The following DAPK3 variants were observed in gnomAD, a reference collection of about 807,000 sequenced individuals.
DAPK3 encodes the protein death-associated protein kinase 3.
Under a neutral mutation model 30.6 loss-of-function variants are expected in DAPK3, and 24 were observed. The observed-to-expected ratio is 0.78, with a 90% CI of 0.57 to 1.10. The LOEUF is 1.10. Ranked by LOEUF, DAPK3 falls within the 50% of genes least tolerant of loss-of-function variation. The pLI, the probability that DAPK3 is intolerant of heterozygous loss-of-function variation, is 0.00. For synonymous variants in DAPK3, 341 were observed against 284.0 expected, an observed-to-expected ratio of 1.20 and a Z score of -2.02; for missense variants, 629 against 657.3, an observed-to-expected ratio of 0.96 and a Z score of 0.47.
chr19:3,969,811 GA>G lies in DAPK3; in HGVS notation c.-77del. The G allele has an allele frequency of 9.6e-7, 1 of 1,040,798 alleles. No homozygotes were observed. Among genetic ancestry groups the G allele is most frequent in the Non-Finnish European group, 1.5e-6 (1 of 668,592 alleles). 64.5% of individuals were successfully genotyped at this position (1,040,798 alleles called of 1,614,324 possible). On this transcript the variant is annotated 5_prime_UTR_variant, in exon 2 of 9. Coordinates refer to ENST00000545797, the MANE Select transcript of DAPK3 (RefSeq NM_001348.3). ...CCGCAGCCTGGAGATAGGACCTCAG[GA>G]GTCCCCTAATGGCAACCCTGGAGAA...
rs1381049083 is a variant in DAPK3, at chr19:3,958,656, G to A, written c.*445C>T. 3 of 383,736 alleles carry A rather than the reference G, an allele frequency of 7.8e-6. No homozygotes were observed. The highest frequency in any genetic ancestry group is 1.0e-5 in the Non-Finnish European group (2 of 192,650). 23.8% of individuals were successfully genotyped at this position (383,736 alleles called of 1,614,324 possible). A position where few individuals can be genotyped will look rare whatever the true frequency, so the allele number is the denominator to read the frequency against. On this transcript the variant is annotated 3_prime_UTR_variant, in exon 9 of 9. Transcript: ENST00000545797. ...GCAGCGTGGGGACTGCCTGTCCGCC[G>A]TCCATCCCACCCTCCCCGTCCCACG...
chr19:3,966,884 C>T (rs1432610797), intron 2 of DAPK3, among the ~76,000 whole-genome samples: 1 of 152,222 alleles, frequency 6.6e-6, no homozygotes, highest in Non-Finnish European at 1.5e-5. Context: ...GAGGCAAGGC[C>T]ACTGGCAGGC....
intron 6 of DAPK3, 79 bp from the exon 7 acceptor site, chr19:3,961,240 G>T: frequency 8.2e-7 from 1 of 1,219,708 alleles, no homozygotes; most frequent in Non-Finnish European, 1.2e-6. Flanking sequence ...GCCCACGACA[G>T]GCGGAGCACA....
At chr19:3,959,853 A>G (rs1307939356) in intron 8 of DAPK3, 1 of 647,680 alleles carries the variant, frequency 1.5e-6, no homozygotes, top group African/African-American at 1.8e-5. Flanking sequence ...GACACACACC[A>G]GCCAAGGATG....
At position 3,959,335 on chromosome 19, in the gene DAPK3, G is replaced by C. The variant is rs771329507; in HGVS notation, c.1131C>G (p.Asp377Glu). The change falls in exon 9 of 9, where the codon GAC becomes GAG. Residue 377 changes from aspartate to glutamate, a missense_variant. Physicochemically the swap from Asp to Glu is conservative, Grantham distance 45. Coordinates refer to ENST00000545797, the MANE Select transcript of DAPK3 (RefSeq NM_001348.3). ...GCAGCTCCTGCCGTAGCCTCCGCAGGTCCTGGCCCAGGCTGTCGCTCTCCT... is the reference window on the plus strand; with the variant it reads ...GCAGCTCCTGCCGTAGCCTCCGCAGCTCCTGGCCCAGGCTGTCGCTCTCCT... ...YREESDSLGQ[D>E]LRRLRQELLK... The C allele has an allele frequency of 1.9e-6, 3 of 1,591,366 alleles. No homozygotes were observed. The South Asian group carries it at 3.3e-5, about 18-fold the overall frequency.
rs137989425 is a variant in DAPK3, at chr19:3,961,265, G to A, written c.630-104C>T. The stretch of plus-strand genomic sequence containing the variant: ...GGCGGAGCACAGAAGACAGGCTGAC[G>A]GCAGGTGCCTGGGCCACTCACACTC... On this transcript the variant is annotated intron_variant, in intron 6 of 8. Coordinates refer to ENST00000545797, the MANE Select transcript of DAPK3 (RefSeq NM_001348.3). 5.0e-3 allele frequency: 4,684 copies of A among 943,170 alleles called. 17 individuals are homozygous for A. The highest frequency in any genetic ancestry group is 9.5e-3 in the Middle Eastern group (45 of 4,718). The allele number at this position is 943,170 out of a possible 1,614,324, so 58.4% of individuals were successfully genotyped here. A position where few individuals can be genotyped will look rare whatever the true frequency, so the allele number is the denominator to read the frequency against.
intron 3 of DAPK3, 39 bp from the exon 4 acceptor site, chr19:3,964,412 T>TGGCCC: frequency 6.5e-7 from 1 of 1,539,986 alleles, no homozygotes; most frequent in Non-Finnish European, 8.9e-7. Flanking sequence ...AGCACGGGCC[T>TGGCCC]CCCCCACCCT....
In DAPK3 at chr19:3,963,734, C is replaced by T. The variant is rs145241773; in HGVS notation, c.603-65G>A. 12,066 of 1,372,350 alleles carry T rather than the reference C, an allele frequency of 8.8e-3. 68 individuals are homozygous for T. The highest frequency in any genetic ancestry group is 0.011 in the Non-Finnish European group (10,547 of 999,648). 85.0% of individuals were successfully genotyped at this position (1,372,350 alleles called of 1,614,324 possible). ...GCCGCCCACCCTCCCAGGACCGTGGCGTCCAGCGCCCCTGTTCTAGGGCAA... is the reference window on the plus strand; with the variant it reads ...GCCGCCCACCCTCCCAGGACCGTGGTGTCCAGCGCCCCTGTTCTAGGGCAA... On this transcript the variant is annotated intron_variant, in intron 5 of 8. Coordinates refer to ENST00000545797, the MANE Select transcript of DAPK3 (RefSeq NM_001348.3).
At chr19:3,965,880 G>A (rs1220315413) in intron 2 of DAPK3, among the ~76,000 whole-genome samples, 1 of 151,802 alleles carries the variant, frequency 6.6e-6, no homozygotes, top group Non-Finnish European at 1.5e-5. Flanking sequence ...TGCCCACGCT[G>A]GTCTCGAACT....
At chr19:3,960,135 C>A in intron 7 of DAPK3, 31 bp from the exon 8 acceptor site, 1 of 1,287,488 alleles carries the variant, frequency 7.8e-7, no homozygotes, top group Non-Finnish European at 1.1e-6. Flanking sequence ...TTAGGTACAC[C>A]TGCACCATCT....
At chr19:3,961,237 A>G in intron 6 of DAPK3, 76 bp from the exon 7 acceptor site, 2 of 1,235,102 alleles carry the variant, frequency 1.6e-6, no homozygotes, top group Non-Finnish European at 2.3e-6. Context: ...GCTGCCCACG[A>G]CAGGCGGAGC....
At chr19:3,962,444 T>A (rs58651620) in intron 6 of DAPK3, among the ~76,000 whole-genome samples, 4,383 of 152,288 alleles carry the variant, frequency 0.029, 176 homozygotes, top group African/African-American at 0.09. Context: ...TCAATATGGC[T>A]GGGCAACACA....
At chr19:3,970,708 C>G (rs934878161) in intron 1 of DAPK3, 2 of 152,790 alleles carry the variant, frequency 1.3e-5, no homozygotes, top group Admixed American at 6.6e-5. Context: ...CCATCTGAGT[C>G]TCCTCCACCG....
In DAPK3 at chr19:3,964,818, A is replaced by G. The variant is rs1158244034; in HGVS notation, c.236T>C (p.Leu79Pro). Residue 79 changes from leucine (L) to proline (P), a missense_variant, in exon 3 of 9, where the codon CTG (leucine) becomes CCG (proline). Around this residue, in one of 2 missense-constraint regions of DAPK3, gnomAD observed 306 missense variants for 378.5 expected, o/e 0.81. Coordinates refer to ENST00000545797, the MANE Select transcript of DAPK3 (RefSeq NM_001348.3). ...CGTCTTGTTCTCGAAGATGTCGTGC[A>G]GGGTGATGATGTTGGGGTGCCGGAT... Reference protein sequence around the residue: ...REIRHPNIITLHDIFENKTDV... With the variant: ...REIRHPNIITPHDIFENKTDV... The G allele has an allele frequency of 6.2e-7, 1 of 1,612,958 alleles. No homozygotes were observed. Among genetic ancestry groups the G allele is most frequent in the Non-Finnish European group, 8.5e-7 (1 of 1,179,124 alleles).
rs558578628 is a variant in DAPK3, at chr19:3,958,619, C to G, written c.*482G>C. 2.4e-6 allele frequency: 1 copy of G among 413,844 alleles called. No homozygotes were observed. The highest frequency in any genetic ancestry group is 6.8e-4 in the Middle Eastern group (1 of 1,464). The allele number at this position is 413,844 out of a possible 1,614,324, so 25.6% of individuals were successfully genotyped here. ...ACACAGTGGAAGACCCCACCAAGCC[C>G]GGCGCCACCCAGCAGCGTGGGGACT... On this transcript the variant is annotated 3_prime_UTR_variant, in exon 9 of 9. Coordinates refer to ENST00000545797, the MANE Select transcript of DAPK3 (RefSeq NM_001348.3).
chr19:3,961,850 G>T (rs2039519796), intron 6 of DAPK3: 2 of 216,120 alleles, frequency 9.3e-6, no homozygotes, highest in South Asian at 1.4e-4. Flanking sequence ...AACCACCTCT[G>T]GCACTTTAAA....
chr19:3,960,735 C>T (rs566108079), intron 7 of DAPK3, among the ~76,000 whole-genome samples: 12 of 149,234 alleles, frequency 8.0e-5, no homozygotes, highest in Admixed American at 1.4e-4. Context: ...GCCGAGATCA[C>T]GCCACTGCAC....
intron 7 of DAPK3, 145 bp downstream of exon 7, chr19:3,960,864 T>C (rs2039502962): frequency 1.3e-6 from 1 of 767,320 alleles, no homozygotes; most frequent in African/African-American, 1.8e-5. Context: ...TTTATCAGTT[T>C]ACTCTCTCCA....
intron 6 of DAPK3, 74 bp from the exon 7 acceptor site, chr19:3,961,235 C>A (rs897308293): frequency 4.0e-6 from 5 of 1,259,072 alleles, no homozygotes; most frequent in Non-Finnish European, 5.7e-6. Context: ...CGGCTGCCCA[C>A]GACAGGCGGA....
Sources: allele counts gnomAD v4.1 joint callset (sites outside exome capture counted in the v4.1 genomes callset), GRCh38; gene constraint gnomAD v4.1.1; regional missense constraint gnomAD v4.1.1; transcripts MANE v1.5; gene names NCBI Gene and HGNC (gene_info 2026-07-23, HGNC 2026-07-21).